MCC: variants seen among roughly 807,000 people sequenced by gnomAD.
MCC encodes the protein MCC regulator of Wnt signaling pathway.
A neutral mutation model predicts 116.2 loss-of-function variants in MCC; 90 were observed. The observed-to-expected ratio is 0.77, with a 90% CI of 0.65 to 0.92. The LOEUF (loss-of-function observed/expected upper bound fraction) is 0.92. MCC is among the 40% of genes least tolerant of loss of function. The pLI is 0.00. For missense variants in MCC, 1,516 were observed against 1,312.2 expected (o/e 1.16, Z -2.40); for synonymous variants, 578 against 510.5 (o/e 1.13, Z -1.78).
At position 113,151,378 on chromosome 5, in the gene MCC, T is replaced by C. The variant is rs750038844; in HGVS notation, c.672A>G (p.Glu224=). 26 of 1,613,578 alleles carry C rather than the reference T, an allele frequency of 1.6e-5. No individual in the cohort carries two copies. In the South Asian group the frequency reaches 2.3e-4, roughly 14 times the overall value. ...ALASLKGDIV[E]LNKRLQQTER... The stretch of plus-strand genomic sequence containing the variant: ...CTGTTTGCTGGAGACGTTTATTAAG[T>C]TCCACTATATCTCCCTTTAGTGATG... Residue 224 remains glutamate (E), a synonymous_variant, in exon 4 of 19, where the codon GAA becomes GAG. Coordinates refer to ENST00000408903, the MANE Select transcript of MCC (RefSeq NM_001085377.2).
At chr5:113,202,183 A>C (rs899898876) in intron 3 of MCC, among the ~76,000 whole-genome samples, 2 of 151,964 alleles carry the variant, frequency 1.3e-5, no homozygotes, top group Admixed American at 1.3e-4. Flanking sequence ...ATTGTGATTA[A>C]CTGATTCAAT....
At chr5:113,439,350 T>TGAGACACAC (rs139432956) in intron 1 of MCC, among the ~76,000 whole-genome samples, 32,331 of 151,802 alleles carry the variant, frequency 0.21, 3,706 homozygotes, top group African/African-American at 0.3. Flanking sequence ...ACAGAGGTGA[T>TGAGACACAC]GAGACACACG....
chr5:113,237,157 T>A (rs2150337284), intron 3 of MCC, among the ~76,000 whole-genome samples: 1 of 152,364 alleles, frequency 6.6e-6, no homozygotes, highest in African/African-American at 2.4e-5. Flanking sequence ...TACAATCCAC[T>A]AAGTATCTTG....
Position 113,064,084 on chromosome 5 carries a change from C to T in MCC, c.2113G>A (p.Ala705Thr). 1 of 1,614,210 alleles carries T rather than the reference C, an allele frequency of 6.2e-7. No individual in the cohort carries two copies. Among genetic ancestry groups the T allele is most frequent in the South Asian group, 1.1e-5 (1 of 91,082 alleles). The change falls in exon 14 of 19, where the codon GCC becomes ACC. Residue 705 changes from alanine to threonine, a missense_variant. By Grantham distance (58) the Ala-to-Thr change is moderately conservative. Coordinates refer to ENST00000408903, the MANE Select transcript of MCC (RefSeq NM_001085377.2). ...CTGCCGTCCAGCTTCATGAGCAGGG[C>T]CTTGGCAGCGTTCTCAGCTGTCTTC... ...CRKTAENAAK[A>T]LLMKLDGSCG...
chr5:113,034,375 G>C (rs1054850069), intron 17 of MCC, among the ~76,000 whole-genome samples: 14 of 152,200 alleles, frequency 9.2e-5, no homozygotes, highest in Non-Finnish European at 1.9e-4. Flanking sequence ...GGTGTACCTG[G>C]GTAGCCTGGC....
At chr5:113,286,063 A>T (rs1431002170) in intron 3 of MCC, among the ~76,000 whole-genome samples, 1 of 152,218 alleles carries the variant, frequency 6.6e-6, no homozygotes, top group African/African-American at 2.4e-5. Flanking sequence ...TATCTACCAC[A>T]TATTGACTAG....
At chr5:113,416,053 G>C (rs1450649552) in intron 1 of MCC, among the ~76,000 whole-genome samples, 1 of 152,126 alleles carries the variant, frequency 6.6e-6, no homozygotes. Flanking sequence ...GTTGGTGTTT[G>C]CTGGAGGTCT....
At chr5:113,135,571 A>G (rs1193168699) in intron 5 of MCC, among the ~76,000 whole-genome samples, 1 of 151,446 alleles carries the variant, frequency 6.6e-6, no homozygotes, top group Non-Finnish European at 1.5e-5. Flanking sequence ...AAAAAAAAAA[A>G]AAAAAAATTA....
At chr5:113,123,021 T>C (rs1757829098) in intron 5 of MCC, among the ~76,000 whole-genome samples, 195 bp from the exon 6 acceptor site, 1 of 152,196 alleles carries the variant, frequency 6.6e-6, no homozygotes, top group Non-Finnish European at 1.5e-5. Flanking sequence ...AAAGGTTGCC[T>C]CTGTGTCCAC....
chr5:113,311,470 C>A (rs929461789), intron 3 of MCC, among the ~76,000 whole-genome samples: 5 of 152,128 alleles, frequency 3.3e-5, no homozygotes, highest in Non-Finnish European at 5.9e-5. Flanking sequence ...AAGGTCTGGC[C>A]AGATCAGCCA....
intron 11 of MCC, among the ~76,000 whole-genome samples, chr5:113,073,644 G>A (rs965875737): frequency 6.1e-5 from 9 of 148,398 alleles, no homozygotes; most frequent in African/African-American, 2.0e-4. Flanking sequence ...ATATCAGTTC[G>A]CCATATGGCT....
chr5:113,250,122 G>C (rs1345973783), intron 3 of MCC, among the ~76,000 whole-genome samples: 1 of 152,206 alleles, frequency 6.6e-6, no homozygotes, highest in African/African-American at 2.4e-5. Context: ...TAGTGTCTGA[G>C]GTGTACTGCA....
rs757555984 is a variant in MCC at position 113,084,273 on chromosome 5, C to G, written c.1546-83G>C. ...TTGGGACTACGCTTATACAGGGCTA[C>G]TTTTTAGCCATGTCAACTAAATGAT... On this transcript the variant is annotated intron_variant, in intron 9 of 18. Transcript: ENST00000408903. 7 of 1,048,672 alleles carry G rather than the reference C, an allele frequency of 6.7e-6. No homozygotes were observed. The East Asian group carries it at 1.2e-4, about 18-fold the overall frequency. The allele number at this position is 1,048,672 out of a possible 1,614,324, so 65.0% of individuals were successfully genotyped here.
intron 3 of MCC, among the ~76,000 whole-genome samples, chr5:113,171,659 A>G (rs1341717570): frequency 6.6e-6 from 1 of 152,094 alleles, no homozygotes; most frequent in Non-Finnish European, 1.5e-5. Flanking sequence ...CTGGCCCTGG[A>G]AAGTGGAAAC....
chr5:113,467,983 T>G (rs1242680147), intron 1 of MCC, among the ~76,000 whole-genome samples: 3 of 152,210 alleles, frequency 2.0e-5, no homozygotes, highest in Non-Finnish European at 4.4e-5. Flanking sequence ...TGGCTGTTTG[T>G]CTGTTATTGG....
At chr5:113,124,088 T>A (rs1197685169) in intron 5 of MCC, among the ~76,000 whole-genome samples, 1 of 152,238 alleles carries the variant, frequency 6.6e-6, no homozygotes, top group Non-Finnish European at 1.5e-5. Flanking sequence ...CCGTGCTTTA[T>A]AAGGTATTGT....
rs117804666 is a variant in MCC, at chr5:113,143,649, C to A, written c.742-289G>T. On this transcript the variant is annotated intron_variant, in intron 4 of 18. Coordinates refer to ENST00000408903, the MANE Select transcript of MCC (RefSeq NM_001085377.2). Reference sequence around the variant, plus strand: ...CAAGTGGGGCTATTCAAGTCCCCCACTTTCCCGTAGCCAAGAAACAGGCAA... The same window carrying A: ...CAAGTGGGGCTATTCAAGTCCCCCAATTTCCCGTAGCCAAGAAACAGGCAA... Among the ~76,000 whole-genome samples, 7 of 152,322 alleles carry A rather than the reference C, an allele frequency of 4.6e-5. No individual in the cohort carries two copies. The East Asian group carries it at 1.3e-3, about 29-fold the overall frequency.
At chr5:113,182,753 C>G (rs1761695124) in intron 3 of MCC, among the ~76,000 whole-genome samples, 1 of 152,214 alleles carries the variant, frequency 6.6e-6, no homozygotes, top group Non-Finnish European at 1.5e-5. Context: ...CTATATTTAT[C>G]TACTTCCGGT....
intron 3 of MCC, among the ~76,000 whole-genome samples, chr5:113,169,390 TG>T (rs1340267965): frequency 4.6e-5 from 7 of 152,126 alleles, no homozygotes; most frequent in African/African-American, 1.7e-4. Context: ...CACCCAAATG[TG>T]TCAAAGCCTT....
Sources: gnomAD v4.1 joint callset for allele counts (sites outside exome capture counted in the v4.1 genomes callset) on GRCh38, gnomAD v4.1.1 for gene constraint, MANE v1.5 for transcripts, NCBI Gene and HGNC (gene_info 2026-07-23, HGNC 2026-07-21) for gene names.